Variants in HDAC4 observed in about 807,000 individuals in gnomAD.
HDAC4 encodes the protein histone deacetylase 4.
HDAC4 carries 16 observed loss-of-function variants against 135.1 expected under a neutral mutation model. The observed-to-expected ratio is 0.12, with a 90% CI of 0.08 to 0.18. The LOEUF (loss-of-function observed/expected upper bound fraction) is 0.18. HDAC4 is among the 10% of genes least tolerant of loss of function. The pLI, the probability that HDAC4 is intolerant of heterozygous loss-of-function variation, is 1.00. For synonymous variants in HDAC4, 685 were observed against 653.4 expected (o/e 1.05, Z -0.74); for missense variants, 1,143 against 1,511.8 (o/e 0.76, Z 4.05).
At chr2:239,249,687 C>T (rs1281947763) in intron 2 of HDAC4, among the ~76,000 whole-genome samples, 2 of 152,076 alleles carry the variant, frequency 1.3e-5, no homozygotes, top group African/African-American at 4.8e-5. Flanking sequence ...CTTTACTCTA[C>T]CCGAAATCTC....
intron 12 of HDAC4, among the ~76,000 whole-genome samples, chr2:239,122,503 C>G (rs1342699190): frequency 6.6e-6 from 1 of 152,226 alleles, no homozygotes; most frequent in African/African-American, 2.4e-5. Context: ...AAAGTTCCTT[C>G]ATGCAGCAAA....
chr2:239,136,069 C>A (rs1359757955), intron 9 of HDAC4, among the ~76,000 whole-genome samples: 1 of 152,142 alleles, frequency 6.6e-6, no homozygotes, highest in African/African-American at 2.4e-5. Flanking sequence ...ACCACTATAT[C>A]CCCTACACAG....
intron 4 of HDAC4, among the ~76,000 whole-genome samples, chr2:239,182,577 C>T (rs184516876): frequency 4.9e-4 from 74 of 152,304 alleles, no homozygotes; most frequent in East Asian, 2.3e-3. Context: ...TACCTGCCCC[C>T]GGCAACGCTG....
At chr2:239,175,176 TC>T (rs2043679627) in intron 5 of HDAC4, among the ~76,000 whole-genome samples, 1 of 152,218 alleles carries the variant, frequency 6.6e-6, no homozygotes, top group Non-Finnish European at 1.5e-5. Flanking sequence ...TCTATGAAAG[TC>T]CCTTCACTCT....
intron 22 of HDAC4, among the ~76,000 whole-genome samples, chr2:239,080,253 C>T (rs1422586240): frequency 6.6e-6 from 1 of 152,218 alleles, no homozygotes; most frequent in Non-Finnish European, 1.5e-5. Context: ...TAAATCAGAA[C>T]AAGACCATGG....
Position 239,240,747 on chromosome 2 carries a change from G to C in HDAC4, c.23-4083C>G, listed in dbSNP as rs2048131680. ...CCTCACCAGCACATGATGTGCCCCA[G>C]TGTGCTCAATGCACCCACAGTCAAC... On this transcript the variant is annotated intron_variant, in intron 2 of 26. Coordinates refer to ENST00000543185, the MANE Select transcript of HDAC4 (RefSeq NM_001378414.1). This position sits in a 1 kb window ranked among gnomAD's most constrained non-coding sequence, Gnocchi z 4.5. 6.6e-6 allele frequency among the ~76,000 whole-genome samples: 1 copy of C among 152,200 alleles called. No homozygotes were observed. The highest frequency in any genetic ancestry group is 2.4e-5 in the African/African-American group (1 of 41,456).
intron 2 of HDAC4, among the ~76,000 whole-genome samples, chr2:239,239,699 C>T (rs1002105575): frequency 6.6e-6 from 1 of 152,186 alleles, no homozygotes; most frequent in Admixed American, 6.5e-5. Context: ...TGGCTAGTCT[C>T]ATAACAACCT....
chr2:239,088,050 C>T (rs999539295), intron 18 of HDAC4, among the ~76,000 whole-genome samples: 1 of 152,228 alleles, frequency 6.6e-6, no homozygotes, highest in Non-Finnish European at 1.5e-5. Flanking sequence ...GGGGCAGAGA[C>T]GTTGTGTCCC....
rs756859609 is a variant in HDAC4, at chr2:239,189,910, T to C, written c.262A>G (p.Ile88Val). 3.7e-6 allele frequency: 6 copies of C among 1,611,244 alleles called. No homozygotes were observed. In the East Asian group the frequency reaches 1.3e-4, roughly 36 times the overall value. The part of the protein sequence containing the change: ...LKQKQQIQRQ[I>V]LIAEFQRQHE... ...TGCCTCTGGAACTCAGCGATGAGGA[T>C]CTGCCTCTGGATCTGCTGCTTCTGC... The change falls in exon 4 of 27, where the codon ATC becomes GTC. Residue 88 changes from isoleucine (I) to valine (V), a missense_variant. Transcript: ENST00000543185.
chr2:239,112,029 A>G (rs2038721726), intron 13 of HDAC4, among the ~76,000 whole-genome samples: 1 of 152,178 alleles, frequency 6.6e-6, no homozygotes, highest in Non-Finnish European at 1.5e-5. Context: ...AGGGGGTCCC[A>G]GGGAGGCCTG....
At chr2:239,065,854 C>A (rs2033402017) in intron 24 of HDAC4, among the ~76,000 whole-genome samples, 1 of 152,252 alleles carries the variant, frequency 6.6e-6, no homozygotes, top group South Asian at 2.1e-4. Context: ...GGGGAAGCCA[C>A]CGACTGAGTC....
At chr2:239,116,261 C>T (rs1179987436) in intron 12 of HDAC4, among the ~76,000 whole-genome samples, 1 of 152,236 alleles carries the variant, frequency 6.6e-6, no homozygotes. Flanking sequence ...TAATGGCCTG[C>T]CAGACGCCTC....
intron 1 of HDAC4, among the ~76,000 whole-genome samples, chr2:239,378,690 A>ACCCGGGAACCAATAAC (rs1559396215): frequency 1.6e-5 from 2 of 125,112 alleles, no homozygotes; most frequent in Admixed American, 1.5e-4. Context: ...GAACCAATGA[A>ACCCGGGAACCAATAAC]CCCGGGAACC....
At chr2:239,072,668 C>T (rs1349960888) in intron 22 of HDAC4, among the ~76,000 whole-genome samples, 1 of 152,272 alleles carries the variant, frequency 6.6e-6, no homozygotes. Flanking sequence ...AACATCACGG[C>T]AGACGGCAGC....
intron 2 of HDAC4, among the ~76,000 whole-genome samples, chr2:239,304,880 G>A (rs531751798): frequency 6.6e-6 from 1 of 152,240 alleles, no homozygotes; most frequent in East Asian, 1.9e-4. Flanking sequence ...ACACACATAG[G>A]AGAACGCGAA....
chr2:239,319,208 C>T (rs1392632273), intron 2 of HDAC4, among the ~76,000 whole-genome samples: 2 of 152,204 alleles, frequency 1.3e-5, no homozygotes, highest in Non-Finnish European at 2.9e-5. Flanking sequence ...AAACAGCAAG[C>T]AAGTAATATC....
At chr2:239,323,894 T>C (rs113229341) in intron 2 of HDAC4, among the ~76,000 whole-genome samples, 78 of 152,290 alleles carry the variant, frequency 5.1e-4, no homozygotes, top group African/African-American at 1.8e-3. Context: ...AGAACATCCA[T>C]TGCTGTTGAA....
rs1268831139 is a variant in HDAC4 at position 239,050,153 on chromosome 2, T to C, written c.*2944A>G. ...CTACACAGTAATGCTCTCAGCACAT[T>C]TGTGAAGCTGGAGTGAGCTGACAGA... On this transcript the variant is annotated 3_prime_UTR_variant, in exon 27 of 27. Coordinates refer to ENST00000543185, the MANE Select transcript of HDAC4 (RefSeq NM_001378414.1). The C allele has an allele frequency of 1.3e-5, 2 of 152,658 alleles. No individual in the cohort carries two copies. Among genetic ancestry groups the C allele is most frequent in the East Asian group, 1.9e-4 (1 of 5,176 alleles). 9.5% of individuals were successfully genotyped at this position (152,658 alleles called of 1,614,324 possible).
intron 24 of HDAC4, among the ~76,000 whole-genome samples, chr2:239,056,876 C>T (rs1216035162): frequency 6.6e-6 from 1 of 152,196 alleles, no homozygotes; most frequent in Non-Finnish European, 1.5e-5. Context: ...GATCTTCCTC[C>T]CCAAAGCACA....
Sources: allele counts gnomAD v4.1 joint callset (sites outside exome capture counted in the v4.1 genomes callset), GRCh38; gene constraint gnomAD v4.1.1; non-coding constraint Gnocchi (gnomAD v3.1); transcripts MANE v1.5; gene names NCBI Gene and HGNC (gene_info 2026-07-23, HGNC 2026-07-21).